DNAH10: variants seen among roughly 807,000 people sequenced by gnomAD.
DNAH10 encodes the protein axonemal beta dynein heavy chain 10.
In DNAH10, 348 loss-of-function variants were observed where a neutral mutation model predicts 506.6. The ratio of observed to expected loss-of-function variants is 0.69; its 90% CI spans 0.63 to 0.75. The LOEUF is 0.75. DNAH10 is among the 30% of genes least tolerant of loss of function. The pLI is 0.00. For synonymous variants in DNAH10, 2,059 were observed against 2,198.6 expected, an observed-to-expected ratio of 0.94 and a Z score of 1.78; for missense variants, 5,179 against 5,787.1, an observed-to-expected ratio of 0.89 and a Z score of 3.41.
Position 123,881,748 on chromosome 12 carries a change from G to C in DNAH10, c.8758G>C (p.Val2920Leu). ...IRMDRGHALL[V>L]GVGGSGKQSL... ...CATGGACCGCGGCCACGCCCTGCTG[G>C]TCGGGGTAGGGGGCTCAGGGAAGCA... The change falls in exon 51 of 79, where the codon GTC (valine) becomes CTC (leucine). Residue 2920 changes from valine to leucine, a missense_variant. Val to Leu is a conservative substitution (Grantham distance 32). Coordinates refer to ENST00000673944, the MANE Select transcript of DNAH10 (RefSeq NM_001372106.1). 7 of 1,547,228 alleles carry C rather than the reference G, an allele frequency of 4.5e-6. No individual in the cohort carries two copies. Among genetic ancestry groups the C allele is most frequent in the Non-Finnish European group, 5.2e-6 (6 of 1,145,092 alleles).
rs747173172 is a variant in DNAH10, at chr12:123,813,780, C to T, written c.3648C>T (p.Ile1216=). ...MEHLAKNLRK[I]PNTLEDLKFV... ...ACCTGGCCAAAAACCTTAGGAAGAT[C>T]CCCAATACCCTTGAAGATCTCAAGT... Residue 1216 remains isoleucine (I), a synonymous_variant, in exon 21 of 79, where the codon ATC becomes ATT. Transcript: ENST00000673944. The T allele has an allele frequency of 1.9e-6, 3 of 1,613,392 alleles. No homozygotes were observed. In the South Asian group the frequency reaches 3.3e-5, roughly 18 times the overall value.
intron 9 of DNAH10, among the ~76,000 whole-genome samples, chr12:123,786,557 T>G (rs761738702): frequency 2.6e-5 from 4 of 151,962 alleles, no homozygotes; most frequent in Non-Finnish European, 4.4e-5. Context: ...TTCTTTCACT[T>G]AGCAGCATGT....
rs1960017413 is a variant in DNAH10 at position 123,826,605 on chromosome 12, G to A, written c.4180-82G>A. The A allele has an allele frequency of 5.5e-6, 7 of 1,273,706 alleles. No individual in the cohort carries two copies. The Admixed American group carries it at 1.5e-4, about 26-fold the overall frequency. The allele number at this position is 1,273,706 out of a possible 1,614,324, so 78.9% of individuals were successfully genotyped here. On this transcript the variant is annotated intron_variant, in intron 24 of 78. Transcript: ENST00000673944. ...GTAATACTTTAAAATATCTGAACGT[G>A]ACTAAGAGTCAAGAACTTGCTCTCC...
intron 5 of DNAH10, among the ~76,000 whole-genome samples, chr12:123,776,538 C>G (rs1269446852): frequency 1.3e-5 from 2 of 151,336 alleles, no homozygotes; most frequent in Non-Finnish European, 2.9e-5. Flanking sequence ...TGGAGGGAAA[C>G]TCAAGTGTTG....
chr12:123,775,542 C>G (rs966540141), intron 5 of DNAH10, among the ~76,000 whole-genome samples: 1 of 152,134 alleles, frequency 6.6e-6, no homozygotes, highest in African/African-American at 2.4e-5. Flanking sequence ...GCCAAGGCAT[C>G]AGACATGATA....
At chr12:123,893,883 G>C (rs1401090351) in intron 53 of DNAH10, among the ~76,000 whole-genome samples, 2 of 152,156 alleles carry the variant, frequency 1.3e-5, no homozygotes, top group Non-Finnish European at 2.9e-5. Flanking sequence ...GTAGAAGCCA[G>C]GGATGCTGTG....
At chr12:123,806,584 A>C (rs1958681178) in intron 18 of DNAH10, among the ~76,000 whole-genome samples, 1 of 152,192 alleles carries the variant, frequency 6.6e-6, no homozygotes, top group African/African-American at 2.4e-5. Flanking sequence ...GAAAAATAAA[A>C]CAAAAACCTT....
At position 123,803,724 on chromosome 12, in the gene DNAH10, A is replaced by G; in HGVS notation, c.2678A>G (p.Gln893Arg). ...AIGKFESLVH[Q>R]IHKNADDISS... The stretch of plus-strand genomic sequence containing the variant: ...GGGAAATTTGAGTCTCTCGTCCACC[A>G]GATTCATAAGAATGCAGATGACATT... The change falls in exon 17 of 79, where the codon CAG becomes CGG. Residue 893 changes from glutamine to arginine, a missense_variant. Gln to Arg is a conservative substitution (Grantham distance 43). Transcript: ENST00000673944. 1 of 1,611,700 alleles carries G rather than the reference A, an allele frequency of 6.2e-7. No homozygotes were observed. The highest frequency in any genetic ancestry group is 8.5e-7 in the Non-Finnish European group (1 of 1,179,344).
rs373097500 is a variant in DNAH10, at chr12:123,859,162, G to A, written c.6643G>A (p.Val2215Ile). The A allele has an allele frequency of 1.2e-6, 2 of 1,609,840 alleles. No individual in the cohort carries two copies. Among genetic ancestry groups the A allele is most frequent in the Non-Finnish European group, 1.7e-6 (2 of 1,178,552 alleles). Residue 2215 changes from valine (V) to isoleucine (I), a missense_variant, in exon 38 of 79, where the codon GTT becomes ATT. Val to Ile is a conservative substitution (Grantham distance 29). Coordinates refer to ENST00000673944, the MANE Select transcript of DNAH10 (RefSeq NM_001372106.1). ...AVLPIQVDKV[V>I]QMFETMLTRH... ...GTTTGTCCCGCAGGTGGATAAAGTG[G>A]TTCAAATGTTCGAGACCATGTTAAC...
intron 10 of DNAH10, among the ~76,000 whole-genome samples, 188 bp downstream of exon 10, chr12:123,788,190 C>T (rs983797337): frequency 5.3e-5 from 8 of 152,188 alleles, no homozygotes; most frequent in East Asian, 1.9e-4. Flanking sequence ...CAGAGCTTTG[C>T]GACTTTTTGT....
chr12:123,869,969 T>C (rs1200671281), intron 43 of DNAH10, among the ~76,000 whole-genome samples: 2 of 152,218 alleles, frequency 1.3e-5, no homozygotes, highest in African/African-American at 4.8e-5. Context: ...AAATGGCCAC[T>C]TCTTGCCTGT....
In DNAH10 at chr12:123,871,616, CA is replaced by C. The variant is rs768795768; in HGVS notation, c.7785+15del. 5.2e-6 allele frequency: 8 copies of C among 1,546,796 alleles called. No homozygotes were observed. Among genetic ancestry groups the C allele is most frequent in the Admixed American group, 3.9e-5 (2 of 51,002 alleles). Reference sequence around the variant, plus strand: ...GAAGAAACTAACGTAAGTCATTATTCATATGAATTATCTATTGCTGTGTAAC... The same window carrying C: ...GAAGAAACTAACGTAAGTCATTATTCTATGAATTATCTATTGCTGTGTAAC... On this transcript the variant is annotated intron_variant, in intron 45 of 78. Transcript: ENST00000673944.
At position 123,926,299 on chromosome 12, in the gene DNAH10, A is replaced by G; in HGVS notation, c.11922-338A>G. ...ACACAAAACACAAAACTCAAAACTCAAGATGTGGACCATTCAGGACACGCC... is the reference window on the plus strand; with the variant it reads ...ACACAAAACACAAAACTCAAAACTCGAGATGTGGACCATTCAGGACACGCC... On this transcript the variant is annotated intron_variant, in intron 68 of 78. Coordinates refer to ENST00000673944, the MANE Select transcript of DNAH10 (RefSeq NM_001372106.1). This position sits in a 1 kb window ranked among gnomAD's most constrained non-coding sequence, Gnocchi z 4.1. The G allele has an allele frequency of 3.5e-6, 1 of 287,572 alleles. No homozygotes were observed. Among genetic ancestry groups the G allele is most frequent in the Non-Finnish European group, 6.4e-6 (1 of 156,824 alleles). The allele number at this position is 287,572 out of a possible 1,614,324, so 17.8% of individuals were successfully genotyped here.
Position 123,853,137 on chromosome 12 carries a change from T to C in DNAH10, c.6292-69T>C. 1 of 1,426,778 alleles carries C rather than the reference T, an allele frequency of 7.0e-7. No homozygotes were observed. The highest frequency in any genetic ancestry group is 1.6e-5 in the South Asian group (1 of 61,992). 88.4% of individuals were successfully genotyped at this position (1,426,778 alleles called of 1,614,324 possible). Reference sequence around the variant, plus strand: ...CCCCCGTTTTCTTGCATTTGTAGAATGATGCTCCATTGCTTTTGAATCATT... The same window carrying C: ...CCCCCGTTTTCTTGCATTTGTAGAACGATGCTCCATTGCTTTTGAATCATT... On this transcript the variant is annotated intron_variant, in intron 35 of 78. Coordinates refer to ENST00000673944, the MANE Select transcript of DNAH10 (RefSeq NM_001372106.1). The surrounding 1 kb of genome is among the most constrained non-coding windows in gnomAD (Gnocchi z 4.7).
In DNAH10 at chr12:123,918,766, A is replaced by T. The variant is rs1237457706; in HGVS notation, c.11323A>T (p.Ile3775Phe). 1.9e-6 allele frequency: 3 copies of T among 1,612,470 alleles called. No individual in the cohort carries two copies. Among genetic ancestry groups the T allele is most frequent in the Admixed American group, 3.3e-5 (2 of 59,966 alleles). The change falls in exon 65 of 79, where the codon ATC becomes TTC. Residue 3775 changes from isoleucine (I) to phenylalanine (F), a missense_variant. Physicochemically the swap from Ile to Phe is conservative, Grantham distance 21 (BLOSUM62 0). This residue lies in a region of DNAH10 where 4,844 missense variants were observed against 5,430.5 expected (regional missense o/e 0.89). Coordinates refer to ENST00000673944, the MANE Select transcript of DNAH10 (RefSeq NM_001372106.1). ...GYRPAARRGAILFFVLSEMAL... is the reference protein window; with the variant it reads ...GYRPAARRGAFLFFVLSEMAL... ...CCGGCCAGCAGCCAGGAGGGGGGCC[A>T]TCCTGTTCTTCGTCCTGTCTGAGAT...
At position 123,934,684 on chromosome 12, in the gene DNAH10, T is replaced by C. The variant is rs758629154; in HGVS notation, c.13541T>C (p.Ile4514Thr). 7 of 1,613,784 alleles carry C rather than the reference T, an allele frequency of 4.3e-6. No homozygotes were observed. Among genetic ancestry groups the C allele is most frequent in the South Asian group, 3.3e-5 (3 of 90,996 alleles). Residue 4514 changes from isoleucine (I) to threonine (T), a missense_variant, in exon 78 of 79, where the codon ATC becomes ACC. Around this residue, in one of 3 missense-constraint regions of DNAH10, gnomAD observed 4,844 missense variants for 5,430.5 expected, o/e 0.89. Coordinates refer to ENST00000673944, the MANE Select transcript of DNAH10 (RefSeq NM_001372106.1). ...TGGGATATAGAAAAAGGATGTCTTA[T>C]CAAGAGCAAACCCAAGGTGCTGGTT... ...ADWDIEKGCL[I>T]KSKPKVLVVD...
chr12:123,879,872 C>G, intron 50 of DNAH10, 71 bp downstream of exon 50: 2 of 1,542,368 alleles, frequency 1.3e-6, no homozygotes, highest in Non-Finnish European at 1.8e-6. Flanking sequence ...AGCTGAGCAT[C>G]GCGCGGGTGC....
intron 45 of DNAH10, 135 bp from the exon 46 acceptor site, chr12:123,873,423 T>C: frequency 1.0e-6 from 1 of 961,136 alleles, no homozygotes; most frequent in Non-Finnish European, 1.5e-6. Flanking sequence ...TGAAGCACAG[T>C]CTCACACTGG....
rs141289407 is a variant in DNAH10 at position 123,808,824 on chromosome 12, C to G, written c.3015C>G (p.Ile1005Met). The change falls in exon 19 of 79, where the codon ATC becomes ATG. Residue 1005 changes from isoleucine (I) to methionine (M), a missense_variant. Around this residue, in one of 3 missense-constraint regions of DNAH10, gnomAD observed 4,844 missense variants for 5,430.5 expected, o/e 0.89. Transcript: ENST00000673944. ...ACTTGCAGTCTTTTAATTCTTTGAT[C>G]CTTGGAAATGTCCCTCTGTTCCACA... is the stretch of plus-strand genomic sequence containing the variant. ...LKNLQSFNSL[I>M]LGNVPLFHTE... is the part of the protein sequence containing the mutation. 6.2e-7 allele frequency: 1 copy of G among 1,614,096 alleles called. No individual in the cohort carries two copies. The highest frequency in any genetic ancestry group is 1.7e-5 in the Admixed American group (1 of 60,012).
Sources: allele counts gnomAD v4.1 joint callset (sites outside exome capture counted in the v4.1 genomes callset), GRCh38; gene constraint gnomAD v4.1.1; regional missense constraint gnomAD v4.1.1; non-coding constraint Gnocchi (gnomAD v3.1); transcripts MANE v1.5; gene names NCBI Gene and HGNC (gene_info 2026-07-23, HGNC 2026-07-21).